Variants in CCDC178 observed in about 807,000 individuals in gnomAD.
CCDC178 encodes the protein coiled-coil domain-containing protein 178.
A neutral mutation model predicts 117.4 loss-of-function variants in CCDC178; 126 were observed. That is an observed-to-expected ratio of 1.07 (90% CI 0.93 to 1.24). The LOEUF (loss-of-function observed/expected upper bound fraction) is 1.24. Among genes scored for constraint, CCDC178 ranks in the 50% most tolerant of loss-of-function variants. The pLI, the probability that CCDC178 is intolerant of heterozygous loss-of-function variation, is 0.00. For synonymous variants in CCDC178, 283 were observed against 313.4 expected (o/e 0.90, Z 1.02); for missense variants, 1,030 against 986.9 (o/e 1.04, Z -0.59).
chr18:33,141,307 T>C (rs925690947), intron 20 of CCDC178, among the ~76,000 whole-genome samples: 2 of 152,110 alleles, frequency 1.3e-5, no homozygotes, highest in African/African-American at 2.4e-5. Context: ...TTATAGTTAG[T>C]TATTGCCTTT....
chr18:33,293,381 C>T, intron 11 of CCDC178, 69 bp from the exon 12 acceptor site: 1 of 1,030,862 alleles, frequency 9.7e-7, no homozygotes. Flanking sequence ...TATACTTAGG[C>T]CAGGCTTGGT....
At chr18:33,093,584 C>G (rs2145077500) in intron 20 of CCDC178, among the ~76,000 whole-genome samples, 1 of 151,922 alleles carries the variant, frequency 6.6e-6, no homozygotes, top group South Asian at 2.1e-4. Flanking sequence ...AATATAAACT[C>G]TTTAGAAAAT....
At chr18:32,944,648 T>C (rs927060242) in intron 22 of CCDC178, among the ~76,000 whole-genome samples, 6 of 152,200 alleles carry the variant, frequency 3.9e-5, no homozygotes, top group Non-Finnish European at 8.8e-5. Flanking sequence ...TTGGGAAGTT[T>C]CCTGCTCACA....
At chr18:33,346,803 G>A (rs1482313175) in intron 8 of CCDC178, among the ~76,000 whole-genome samples, 1 of 151,996 alleles carries the variant, frequency 6.6e-6, no homozygotes, top group Admixed American at 6.6e-5. Context: ...GGTAAATACT[G>A]AATAATCATA....
chr18:33,238,099 C>G (rs764264317), intron 15 of CCDC178, among the ~76,000 whole-genome samples: 6 of 152,184 alleles, frequency 3.9e-5, no homozygotes, highest in African/African-American at 7.2e-5. Flanking sequence ...CCACCTGGGA[C>G]TAAATACAAC....
chr18:33,412,286 T>A (rs796282398), intron 2 of CCDC178, among the ~76,000 whole-genome samples, 176 bp from the exon 3 acceptor site: 21 of 152,192 alleles, frequency 1.4e-4, no homozygotes, highest in Admixed American at 3.9e-4. Flanking sequence ...TTCAGAAATA[T>A]CAAATATAAA....
At chr18:33,006,066 A>G (rs2055743085) in intron 21 of CCDC178, among the ~76,000 whole-genome samples, 1 of 152,102 alleles carries the variant, frequency 6.6e-6, no homozygotes, top group South Asian at 2.1e-4. Context: ...TATCATACAT[A>G]AGGATCTGTG....
intron 20 of CCDC178, among the ~76,000 whole-genome samples, chr18:33,173,283 C>G (rs921049308): frequency 6.6e-6 from 1 of 152,132 alleles, no homozygotes; most frequent in Non-Finnish European, 1.5e-5. Flanking sequence ...CTCCGGAGCT[C>G]AAGTGATCTG....
At chr18:33,233,639 G>C (rs926844647) in intron 15 of CCDC178, among the ~76,000 whole-genome samples, 3 of 151,626 alleles carry the variant, frequency 2.0e-5, no homozygotes, top group African/African-American at 7.3e-5. Flanking sequence ...GTATTTTTAT[G>C]CTACTTATGC....
intron 6 of CCDC178, among the ~76,000 whole-genome samples, chr18:33,361,824 A>G (rs2063132212): frequency 6.6e-6 from 1 of 151,800 alleles, no homozygotes; most frequent in African/African-American, 2.4e-5. Context: ...GGGTATGGAG[A>G]AAAGGGAGCC....
chr18:33,436,268 G>A (rs181641730), intron 2 of CCDC178, among the ~76,000 whole-genome samples: 13 of 152,208 alleles, frequency 8.5e-5, no homozygotes, highest in Non-Finnish European at 1.9e-4. Flanking sequence ...TCTAGCAGAA[G>A]GTCATGAATG....
chr18:33,343,091 T>C (rs151221179), intron 9 of CCDC178, among the ~76,000 whole-genome samples: 56 of 152,236 alleles, frequency 3.7e-4, no homozygotes, highest in African/African-American at 1.3e-3. Context: ...TCAAATTCAT[T>C]CAGAAACCAG....
At chr18:33,323,026 A>C (rs1018036139) in intron 11 of CCDC178, 14 of 151,480 alleles carry the variant, frequency 9.2e-5, no homozygotes, top group African/African-American at 3.4e-4. Flanking sequence ...AAAAACTCTC[A>C]ATAAATAATA....
At chr18:33,087,421 C>T (rs1437816213) in intron 21 of CCDC178, among the ~76,000 whole-genome samples, 5 of 152,108 alleles carry the variant, frequency 3.3e-5, no homozygotes, top group Non-Finnish European at 7.3e-5. Flanking sequence ...CTTCACAGGT[C>T]TCGTGAGGAA....
intron 2 of CCDC178, among the ~76,000 whole-genome samples, chr18:33,434,984 A>T (rs2144982493): frequency 6.6e-6 from 1 of 152,258 alleles, no homozygotes; most frequent in Admixed American, 6.5e-5. Context: ...TCAAATGTGG[A>T]AATTGTCATT....
At chr18:33,162,785 A>G (rs1168461986) in intron 20 of CCDC178, among the ~76,000 whole-genome samples, 1 of 152,210 alleles carries the variant, frequency 6.6e-6, no homozygotes, top group Admixed American at 6.6e-5. Context: ...ATGGATGCAT[A>G]GTATTCCATG....
chr18:33,317,256 A>T (rs1043629844), intron 11 of CCDC178, among the ~76,000 whole-genome samples: 1 of 152,050 alleles, frequency 6.6e-6, no homozygotes, highest in African/African-American at 2.4e-5. Context: ...GAGACCACGA[A>T]CCCACCAGGA....
intron 15 of CCDC178, among the ~76,000 whole-genome samples, chr18:33,228,826 C>T (rs145866960): frequency 1.1e-4 from 16 of 152,228 alleles, no homozygotes; most frequent in South Asian, 2.1e-4. Flanking sequence ...TCCTATGAGA[C>T]GGTCCTCTTT....
intron 20 of CCDC178, among the ~76,000 whole-genome samples, chr18:33,175,184 G>A (rs766829295): frequency 5.3e-5 from 8 of 151,762 alleles, no homozygotes; most frequent in African/African-American, 1.2e-4. Flanking sequence ...CCTCTGTTTC[G>A]CATTATTGTA....
Sources: gnomAD v4.1 joint callset for allele counts (sites outside exome capture counted in the v4.1 genomes callset) on GRCh38, gnomAD v4.1.1 for gene constraint, MANE v1.5 for transcripts, NCBI Gene and HGNC (gene_info 2026-07-23, HGNC 2026-07-21) for gene names.